TAB1: variants seen among roughly 807,000 people sequenced by gnomAD.
TAB1 encodes TGF-beta activated kinase 1 (MAP3K7) binding protein 1, also known as TGF-beta-activated kinase 1 and MAP3K7-binding protein 1.
TAB1 carries 30 observed loss-of-function variants against 54.5 expected under a neutral mutation model. That is an observed-to-expected ratio of 0.55 (90% CI 0.41 to 0.75). The LOEUF is 0.75. Among genes scored for constraint, TAB1 ranks in the 30% least tolerant of loss-of-function variants. The pLI is 0.00. For synonymous variants in TAB1, 289 were observed against 286.9 expected (o/e 1.01, Z -0.07); for missense variants, 609 against 683.2 (o/e 0.89, Z 1.21).
chr22:39,419,687 C>A (rs1168214967), intron 7 of TAB1, 57 bp downstream of exon 7: 1 of 1,258,926 alleles, frequency 7.9e-7, no homozygotes, highest in Non-Finnish European at 1.1e-6. Context: ...CCTAGGGAGG[C>A]CAAGATGGGA....
At chr22:39,422,023 G>A (rs765854883) in intron 8 of TAB1, 52 bp downstream of exon 8, 59 of 1,453,746 alleles carry the variant, frequency 4.1e-5, no homozygotes, top group Non-Finnish European at 5.1e-5. Flanking sequence ...TGGCCTGCAT[G>A]GTGATGTGCT....
At chr22:39,432,644 G>A (rs557418084), downstream of TAB1, 22 of 384,970 alleles carry the variant, frequency 5.7e-5, no homozygotes, top group South Asian at 8.6e-4. Flanking sequence ...CCTGCCACCC[G>A]AGAGAGAGAG....
chr22:39,428,701 C>T (rs1007552890), intron 10 of TAB1, among the ~76,000 whole-genome samples: 5 of 152,186 alleles, frequency 3.3e-5, no homozygotes, highest in Non-Finnish European at 5.9e-5. Context: ...CCTTCACTTC[C>T]TTAGAATGTG....
intron 1 of TAB1, among the ~76,000 whole-genome samples, chr22:39,403,741 C>G (rs1162759669): frequency 4.6e-5 from 7 of 151,648 alleles, no homozygotes. Flanking sequence ...CAGGTTCACG[C>G]CATTCTCCTG....
intron 3 of TAB1, among the ~76,000 whole-genome samples, chr22:39,416,069 C>G (rs1351666845): frequency 6.6e-6 from 1 of 152,178 alleles, no homozygotes; most frequent in Non-Finnish European, 1.5e-5. Flanking sequence ...GGGCCGCCGC[C>G]CTCATTGACT....
chr22:39,424,262 G>T (rs1325205643), intron 8 of TAB1, among the ~76,000 whole-genome samples: 1 of 152,100 alleles, frequency 6.6e-6, no homozygotes, highest in Non-Finnish European at 1.5e-5. Context: ...ACTTAGGCTG[G>T]TTCCACATCT....
At position 39,415,261 on chromosome 22, in the gene TAB1, G is replaced by T. The variant is rs1189187072; in HGVS notation, c.170+119G>T. The T allele has an allele frequency of 1.3e-5, 17 of 1,303,978 alleles. No individual in the cohort carries two copies. Among genetic ancestry groups the T allele is most frequent in the Non-Finnish European group, 1.7e-5 (16 of 956,758 alleles). 80.8% of individuals were successfully genotyped at this position (1,303,978 alleles called of 1,614,324 possible). A position where few individuals can be genotyped will look rare whatever the true frequency, so the allele number is the denominator to read the frequency against. On this transcript the variant is annotated intron_variant, in intron 2 of 10. Transcript: ENST00000216160. This position sits in a 1 kb window ranked among gnomAD's most constrained non-coding sequence, Gnocchi z 4.9. The stretch of plus-strand genomic sequence containing the variant: ...TGCCAGTGACATGTGGCCCGTGAGA[G>T]GTGGCCTCTGCTGCTGTCTTGCCAA...
At chr22:39,408,422 G>A (rs943439494) in intron 1 of TAB1, among the ~76,000 whole-genome samples, 3 of 152,250 alleles carry the variant, frequency 2.0e-5, no homozygotes, top group Non-Finnish European at 2.9e-5. Flanking sequence ...ACACACCAAC[G>A]TGGCAAGTTC....
downstream of TAB1, among the ~76,000 whole-genome samples, chr22:39,435,969 A>G (rs1821740615): frequency 1.3e-5 from 2 of 152,208 alleles, no homozygotes. Context: ...GAAGGTTTAC[A>G]GCTCAGCTTT....
chr22:39,429,974 C>G, intron 10 of TAB1, 41 bp from the exon 11 acceptor site: 1 of 1,607,950 alleles, frequency 6.2e-7, no homozygotes, highest in Non-Finnish European at 8.5e-7. Context: ...GCCCCTTGAC[C>G]CGGCTGCTTC....
intron 1 of TAB1, among the ~76,000 whole-genome samples, chr22:39,413,047 TG>T (rs1926674631): frequency 6.6e-6 from 1 of 151,914 alleles, no homozygotes; most frequent in South Asian, 2.1e-4. Context: ...CCAGAGTAGC[TG>T]GGACTACAGG....
Position 39,415,378 on chromosome 22 carries a change from C to T in TAB1, c.171-122C>T, listed in dbSNP as rs1926780139. 1.6e-6 allele frequency: 2 copies of T among 1,264,018 alleles called. No individual in the cohort carries two copies. Among genetic ancestry groups the T allele is most frequent in the Non-Finnish European group, 2.2e-6 (2 of 902,190 alleles). 78.3% of individuals were successfully genotyped at this position (1,264,018 alleles called of 1,614,324 possible). ...GAAATGATGGCTAAAGCAGGGGGACCCAGGAGGGCCCCTGAAGCTGCAGCT... is the reference window on the plus strand; with the variant it reads ...GAAATGATGGCTAAAGCAGGGGGACTCAGGAGGGCCCCTGAAGCTGCAGCT... On this transcript the variant is annotated intron_variant, in intron 2 of 10. Transcript: ENST00000216160. The surrounding 1 kb of genome is among the most constrained non-coding windows in gnomAD (Gnocchi z 4.9).
intron 5 of TAB1, among the ~76,000 whole-genome samples, chr22:39,418,454 G>A (rs1451513563): frequency 7.2e-5 from 11 of 152,160 alleles, no homozygotes; most frequent in Non-Finnish European, 1.5e-4. Flanking sequence ...GCCAGACACT[G>A]TATCATGTTA....
At position 39,426,776 on chromosome 22, in the gene TAB1, A is replaced by G; in HGVS notation, c.995A>G (p.Asp332Gly). ...GACGCAGTGGCCCAGGCCGTCGTGG[A>G]CCGGGTGAAGCGCATCCACAGCGAC... ...SLDAVAQAVV[D>G]RVKRIHSDTF... The change falls in exon 9 of 11, where the codon GAC becomes GGC. Residue 332 changes from aspartate (D) to glycine (G), a missense_variant. Transcript: ENST00000216160. 1.2e-6 allele frequency: 2 copies of G among 1,614,076 alleles called. No individual in the cohort carries two copies. Among genetic ancestry groups the G allele is most frequent in the Non-Finnish European group, 1.7e-6 (2 of 1,180,010 alleles).
intron 5 of TAB1, 48 bp from the exon 6 acceptor site, chr22:39,418,684 T>C: frequency 7.2e-7 from 1 of 1,395,956 alleles, no homozygotes; most frequent in Non-Finnish European, 1.0e-6. Flanking sequence ...GTATGCCCTA[T>C]TTCTCTCTGT....
In TAB1 at chr22:39,422,426, T is replaced by TTTTG. The variant is rs1364587511; in HGVS notation, c.921+455_921+456insTTTG. The stretch of plus-strand genomic sequence containing the variant: ...TTTTTTTTTTTTTTTTTTTTTTTTT[T>TTTTG]GAGACAGCGTCTCCCTCTGTCACGC... On this transcript the variant is annotated intron_variant, in intron 8 of 10. Transcript: ENST00000216160. Among the ~76,000 whole-genome samples, 294 of 144,190 alleles carry TTTTG rather than the reference T, an allele frequency of 2.0e-3. 4 individuals carry two copies. Among genetic ancestry groups the TTTTG allele is most frequent in the Non-Finnish European group, 3.5e-3 (236 of 66,626 alleles). 94.6% of individuals were successfully genotyped at this position (144,190 alleles called of 152,430 possible). A position where few individuals can be genotyped will look rare whatever the true frequency, so the allele number is the denominator to read the frequency against.
chr22:39,431,261 T>C lies in TAB1; in HGVS notation c.*1039T>C, dbSNP rs1408481371. On this transcript the variant is annotated 3_prime_UTR_variant, in exon 11 of 11. Coordinates refer to ENST00000216160, the MANE Select transcript of TAB1 (RefSeq NM_006116.3). Reference sequence around the variant, plus strand: ...CCAGCCCAGGGCCTGAGTTAGACTATTTCCCACATGTTCTCTGCCTTCAGT... The same window carrying C: ...CCAGCCCAGGGCCTGAGTTAGACTACTTCCCACATGTTCTCTGCCTTCAGT... 1 of 985,420 alleles carries C rather than the reference T, an allele frequency of 1.0e-6. No individual in the cohort carries two copies. The highest frequency in any genetic ancestry group is 1.1e-4 in the East Asian group (1 of 8,830). The allele number at this position is 985,420 out of a possible 1,614,324, so 61.0% of individuals were successfully genotyped here. A position where few individuals can be genotyped will look rare whatever the true frequency, so the allele number is the denominator to read the frequency against.
intron 10 of TAB1, among the ~76,000 whole-genome samples, chr22:39,428,618 C>T (rs1234215180): frequency 6.6e-6 from 1 of 152,150 alleles, no homozygotes; most frequent in East Asian, 1.9e-4. Context: ...GTAGAGGCAA[C>T]AGCCTGAGGG....
At position 39,418,909 on chromosome 22, in the gene TAB1, G is replaced by A. The variant is rs936727934; in HGVS notation, c.664+64G>A. 6 of 1,375,198 alleles carry A rather than the reference G, an allele frequency of 4.4e-6. No homozygotes were observed. In the African/African-American group the frequency reaches 8.5e-5, roughly 20 times the overall value. The allele number at this position is 1,375,198 out of a possible 1,614,324, so 85.2% of individuals were successfully genotyped here. On this transcript the variant is annotated intron_variant, in intron 6 of 10. Transcript: ENST00000216160. ...GGCTCACCCTTCGCCTGCCTTTGGT[G>A]GTGGGGTAGAGAGGCGTGTGGTAGA...
Sources: allele counts gnomAD v4.1 joint callset (sites outside exome capture counted in the v4.1 genomes callset), GRCh38; gene constraint gnomAD v4.1.1; non-coding constraint Gnocchi (gnomAD v3.1); transcripts MANE v1.5; gene names NCBI Gene and HGNC (gene_info 2026-07-23, HGNC 2026-07-21).